Variants in NBAS observed in about 807,000 individuals in gnomAD.
NBAS encodes the protein NBAS subunit of NRZ tethering complex.
In NBAS, 219 loss-of-function variants were observed where a neutral mutation model predicts 302.5. That is an observed-to-expected ratio of 0.72 (90% CI 0.65 to 0.81). The LOEUF (loss-of-function observed/expected upper bound fraction) is 0.81. Among genes scored for constraint, NBAS ranks in the 30% least tolerant of loss-of-function variants. NBAS has a pLI of 0.00. For missense variants in NBAS, 2,932 were observed against 2,841.6 expected (o/e 1.03, Z -0.72); for synonymous variants, 1,118 against 1,021.6 (o/e 1.09, Z -1.80).
downstream of NBAS, among the ~76,000 whole-genome samples, chr2:15,162,114 TTAAAGTC>T (rs1663913113): frequency 6.6e-6 from 1 of 152,154 alleles, no homozygotes; most frequent in South Asian, 2.1e-4. Context: ...ATAAAGTTGC[TTAAAGTC>T]GTATTAGCCA....
chr2:15,501,060 G>C (rs1194263714), intron 11 of NBAS, among the ~76,000 whole-genome samples: 3 of 152,108 alleles, frequency 2.0e-5, no homozygotes, highest in African/African-American at 7.2e-5. Context: ...CCAGCACTTC[G>C]GGAGGCCGAG....
At chr2:15,071,740 G>T in the NBAS span, among the ~76,000 whole-genome samples, 1 of 151,910 alleles carries the variant, frequency 6.6e-6, no homozygotes, top group Non-Finnish European at 1.5e-5. Flanking sequence ...GAAGCACGAG[G>T]ATTCAGGAAG....
At chr2:14,867,709 A>T in the NBAS span, among the ~76,000 whole-genome samples, 7 of 152,172 alleles carry the variant, frequency 4.6e-5, no homozygotes, top group Non-Finnish European at 8.8e-5. Context: ...CTGTCTTCTG[A>T]AAGGTGGAAT....
the NBAS span, among the ~76,000 whole-genome samples, chr2:14,943,737 G>A: frequency 6.6e-6 from 1 of 152,108 alleles, no homozygotes; most frequent in Non-Finnish European, 1.5e-5. Context: ...CAGATTCTTA[G>A]GAACTTTGTT....
chr2:15,385,127 T>C (rs1675225901), intron 28 of NBAS, among the ~76,000 whole-genome samples: 1 of 152,246 alleles, frequency 6.6e-6, no homozygotes, highest in Non-Finnish European at 1.5e-5. Flanking sequence ...AACACTTTTT[T>C]TCTTCCAGCA....
intron 9 of NBAS, among the ~76,000 whole-genome samples, chr2:15,528,511 T>TAC (rs202131112): frequency 2.0e-4 from 17 of 87,102 alleles, no homozygotes; most frequent in Admixed American, 8.2e-4. Context: ...TATACATATA[T>TAC]ACACACACAC....
chr2:15,224,721 C>T (rs1667085600), intron 47 of NBAS, among the ~76,000 whole-genome samples: 1 of 152,188 alleles, frequency 6.6e-6, no homozygotes, highest in African/African-American at 2.4e-5. Context: ...CCAGGCTCTC[C>T]CACTGCCTAC....
At chr2:15,509,124 T>G (rs1662017542) in intron 10 of NBAS, among the ~76,000 whole-genome samples, 1 of 152,202 alleles carries the variant, frequency 6.6e-6, no homozygotes, top group African/African-American at 2.4e-5. Context: ...GTCTAATATG[T>G]ACGAGTAACT....
chr2:15,103,176 C>G, the NBAS span, among the ~76,000 whole-genome samples: 1 of 152,122 alleles, frequency 6.6e-6, no homozygotes, highest in South Asian at 2.1e-4. Context: ...GTTTTTAAGT[C>G]TCCCTCTGCA....
rs1007144559 is a variant in NBAS at position 15,467,591 on chromosome 2, A to G, written c.2018+73T>C. On this transcript the variant is annotated intron_variant, in intron 18 of 51. Coordinates refer to ENST00000281513, the MANE Select transcript of NBAS (RefSeq NM_015909.4). ...GCTAAAATAATTTGGACTAATTATT[A>G]CTAGTAAGGAACACACTGAAATGAT... The G allele has an allele frequency of 2.8e-6, 4 of 1,433,320 alleles. No homozygotes were observed. The African/African-American group carries it at 5.6e-5, about 20-fold the overall frequency. The allele number at this position is 1,433,320 out of a possible 1,614,324, so 88.8% of individuals were successfully genotyped here.
intron 35 of NBAS, among the ~76,000 whole-genome samples, chr2:15,345,144 G>A (rs1374964374): frequency 6.6e-6 from 1 of 152,088 alleles, no homozygotes; most frequent in East Asian, 1.9e-4. Flanking sequence ...CATAGTACTG[G>A]CAGTTCTGAC....
At chr2:14,831,035 A>G in the NBAS span, among the ~76,000 whole-genome samples, 2 of 152,186 alleles carry the variant, frequency 1.3e-5, no homozygotes, top group African/African-American at 4.8e-5. Context: ...CCTGGAAGCC[A>G]CCATGTGAAG....
chr2:15,478,437 A>G, intron 12 of NBAS, 148 bp from the exon 13 acceptor site: 1 of 686,342 alleles, frequency 1.5e-6, no homozygotes, highest in Non-Finnish European at 2.5e-6. Context: ...TATTGCCATG[A>G]TAGTCTGGAA....
chr2:15,354,860 C>A (rs1673536321), intron 33 of NBAS, among the ~76,000 whole-genome samples: 1 of 152,174 alleles, frequency 6.6e-6, no homozygotes. Flanking sequence ...AATTACTTAT[C>A]CCTCAGCGGT....
chr2:15,541,230 G>C (rs987036991), intron 6 of NBAS, among the ~76,000 whole-genome samples: 1 of 152,090 alleles, frequency 6.6e-6, no homozygotes, highest in Non-Finnish European at 1.5e-5. Flanking sequence ...ACAAGTCTCT[G>C]AGCTCACTGA....
the NBAS span, among the ~76,000 whole-genome samples, chr2:14,918,422 G>T: frequency 6.6e-6 from 1 of 152,156 alleles, no homozygotes; most frequent in Non-Finnish European, 1.5e-5. Flanking sequence ...TCATAAAAGG[G>T]TTTGGAAAGG....
At chr2:14,925,376 C>T in the NBAS span, among the ~76,000 whole-genome samples, 114 of 152,242 alleles carry the variant, frequency 7.5e-4, no homozygotes, top group African/African-American at 2.5e-3. Context: ...CATAAACTCT[C>T]GAGCTCACTT....
chr2:15,220,091 C>G (rs1170783048), intron 47 of NBAS, among the ~76,000 whole-genome samples: 1 of 146,734 alleles, frequency 6.8e-6, no homozygotes. Context: ...TGACCCCCCC[C>G]ACCTCCCTCC....
chr2:15,488,873 T>C, intron 12 of NBAS, 21 bp downstream of exon 12: 2 of 1,613,172 alleles, frequency 1.2e-6, no homozygotes, highest in Non-Finnish European at 1.7e-6. Flanking sequence ...AGAGTATCAT[T>C]CTAATAACCA....
Sources: gnomAD v4.1 joint callset for allele counts (sites outside exome capture counted in the v4.1 genomes callset) on GRCh38, gnomAD v4.1.1 for gene constraint, MANE v1.5 for transcripts, NCBI Gene and HGNC (gene_info 2026-07-23, HGNC 2026-07-21) for gene names.